SNX29: variants seen among roughly 807,000 people sequenced by gnomAD.
The protein encoded by SNX29 is sorting nexin 29, also known as sorting nexin-29.
A neutral mutation model predicts 102.1 loss-of-function variants in SNX29; 78 were observed. The ratio of observed to expected loss-of-function variants is 0.76; its 90% confidence interval spans 0.64 to 0.92. The LOEUF is 0.92. Ranked by LOEUF, SNX29 falls within the 40% of genes least tolerant of loss-of-function variation. The probability of loss-of-function intolerance (pLI) is 0.00; values close to 1 mark genes in which losing one functional copy is unlikely to be tolerated. For synonymous variants in SNX29, 580 were observed against 414.5 expected (o/e 1.40, Z -4.85); for missense variants, 1,280 against 1,061.7 (o/e 1.21, Z -2.86).
intron 18 of SNX29, among the ~76,000 whole-genome samples, chr16:12,413,788 G>T (rs1015683287): frequency 1.3e-5 from 2 of 152,184 alleles, no homozygotes; most frequent in Non-Finnish European, 2.9e-5. Context: ...TTTGAGAGCC[G>T]CCTTGCTGAG....
chr16:12,279,814 G>T (rs1052177754), intron 15 of SNX29, among the ~76,000 whole-genome samples: 3 of 152,200 alleles, frequency 2.0e-5, no homozygotes, highest in African/African-American at 7.2e-5. Context: ...ATGAATGAAG[G>T]CCTGATGAGC....
intron 18 of SNX29, among the ~76,000 whole-genome samples, chr16:12,467,537 G>C (rs1274222884): frequency 6.6e-6 from 1 of 152,158 alleles, no homozygotes; most frequent in Non-Finnish European, 1.5e-5. Flanking sequence ...GACACTCCCT[G>C]GCAGTGCTCT....
intron 10 of SNX29, 68 bp from the exon 11 acceptor site, chr16:12,078,765 T>C: frequency 5.8e-6 from 8 of 1,382,020 alleles, no homozygotes; most frequent in Non-Finnish European, 8.1e-6. Flanking sequence ...CTCTGCTAGT[T>C]TTTGGAATGG....
At chr16:12,544,797 A>G (rs1014224910) in intron 20 of SNX29, among the ~76,000 whole-genome samples, 2 of 152,218 alleles carry the variant, frequency 1.3e-5, no homozygotes, top group Non-Finnish European at 2.9e-5. Flanking sequence ...CCAGGATTCT[A>G]GAGACCAAAC....
At chr16:12,267,637 A>G (rs965554039) in intron 14 of SNX29, among the ~76,000 whole-genome samples, 1 of 152,150 alleles carries the variant, frequency 6.6e-6, no homozygotes, top group Non-Finnish European at 1.5e-5. Context: ...GCTGTTGACC[A>G]GGGCTGTCCG....
chr16:12,568,365 A>AC, intron 20 of SNX29, 141 bp from the exon 21 acceptor site: 2 of 1,130,248 alleles, frequency 1.8e-6, no homozygotes, highest in Non-Finnish European at 1.2e-6. Context: ...TTCAGGTGGC[A>AC]CCAGTTAGAG....
At chr16:12,475,708 T>C (rs868121042) in intron 18 of SNX29, among the ~76,000 whole-genome samples, 1 of 152,260 alleles carries the variant, frequency 6.6e-6, no homozygotes, top group Non-Finnish European at 1.5e-5. Flanking sequence ...TAAAGTATCA[T>C]ACTGCACATC....
intron 3 of SNX29, among the ~76,000 whole-genome samples, chr16:12,018,303 C>T (rs1025058965): frequency 7.3e-5 from 11 of 151,684 alleles, no homozygotes; most frequent in Admixed American, 2.0e-4. Context: ...TTTGGCTGGG[C>T]GTGGTGGTTC....
intron 15 of SNX29, among the ~76,000 whole-genome samples, chr16:12,326,521 C>T (rs986121496): frequency 5.3e-5 from 8 of 151,912 alleles, no homozygotes; most frequent in East Asian, 3.9e-4. Flanking sequence ...TCAGCTCTGC[C>T]GGTGTGTCTC....
chr16:12,256,118 T>A (rs2078564983), intron 14 of SNX29, among the ~76,000 whole-genome samples: 1 of 152,224 alleles, frequency 6.6e-6, no homozygotes, highest in South Asian at 2.1e-4. Context: ...ATTTCTCCGA[T>A]GATTGGTAAT....
intron 14 of SNX29, among the ~76,000 whole-genome samples, chr16:12,226,766 A>C (rs2077622981): frequency 6.6e-6 from 1 of 151,762 alleles, no homozygotes; most frequent in South Asian, 2.1e-4. Context: ...TTTAGTAGAG[A>C]CGGGTTTCAC....
intron 15 of SNX29, among the ~76,000 whole-genome samples, chr16:12,299,760 C>A (rs55634383): frequency 2.1e-5 from 3 of 145,976 alleles, no homozygotes; most frequent in Admixed American, 6.8e-5. Context: ...TCCATAGATA[C>A]TTCTAATTCA....
At chr16:12,536,265 A>G (rs373248461) in intron 20 of SNX29, among the ~76,000 whole-genome samples, 1 of 152,074 alleles carries the variant, frequency 6.6e-6, no homozygotes, top group Admixed American at 6.6e-5. Flanking sequence ...ACTTGCTGTG[A>G]CAGAGTTGAG....
At chr16:12,156,895 G>A (rs1266059664) in intron 13 of SNX29, among the ~76,000 whole-genome samples, 1 of 151,866 alleles carries the variant, frequency 6.6e-6, no homozygotes, top group African/African-American at 2.4e-5. Flanking sequence ...AGGACCAGGG[G>A]GCATTTTCAC....
intron 1 of SNX29, chr16:11,977,149 T>C (rs1433793332): frequency 1.6e-5 from 5 of 310,480 alleles, no homozygotes; most frequent in Non-Finnish European, 2.4e-5. Context: ...GGTCTCAGTC[T>C]CTCCTAACTC....
intron 19 of SNX29, among the ~76,000 whole-genome samples, chr16:12,513,465 C>G (rs531654040): frequency 1.1e-4 from 17 of 152,164 alleles, no homozygotes; most frequent in African/African-American, 3.9e-4. Flanking sequence ...CTGCTCTCTC[C>G]TTCCCTTCCG....
rs186253799 is a variant in SNX29 at position 12,118,714 on chromosome 16, C to T, written c.1403-7919C>T. Among the ~76,000 whole-genome samples the T allele has an allele frequency of 2.0e-5, 3 of 152,274 alleles. No homozygotes were observed. The East Asian group carries it at 5.8e-4, about 29-fold the overall frequency. ...CTCGACCCTCACCTGAGTTACTGCT[C>T]CTAATAAATTCACGCATACCTGAGT... On this transcript the variant is annotated intron_variant, in intron 11 of 20. Coordinates refer to ENST00000566228, the MANE Select transcript of SNX29 (RefSeq NM_032167.5).
intron 20 of SNX29, among the ~76,000 whole-genome samples, chr16:12,565,513 G>A (rs554423110): frequency 2.6e-5 from 4 of 152,248 alleles, no homozygotes; most frequent in East Asian, 1.9e-4. Context: ...CCCGAGACAT[G>A]GCTCTGCTCC....
At chr16:12,071,815 C>T (rs1351772619) in intron 10 of SNX29, among the ~76,000 whole-genome samples, 1 of 152,170 alleles carries the variant, frequency 6.6e-6, no homozygotes, top group Non-Finnish European at 1.5e-5. Context: ...ATGGAATGTT[C>T]TTCCATTCGT....
Sources: allele counts gnomAD v4.1 joint callset (sites outside exome capture counted in the v4.1 genomes callset), GRCh38; gene constraint gnomAD v4.1.1; transcripts MANE v1.5; gene names NCBI Gene and HGNC (gene_info 2026-07-23, HGNC 2026-07-21).